The following NSD1 variants were observed in gnomAD, a reference collection of about 807,000 sequenced individuals.
The protein encoded by NSD1 is histone-lysine N-methyltransferase, H3 lysine-36 specific.
Under a neutral mutation model 242.7 loss-of-function variants are expected in NSD1, and 26 were observed. That is an observed-to-expected ratio of 0.11 (90% confidence interval 0.08 to 0.15). NSD1 has a LOEUF of 0.15. Among genes scored for constraint, NSD1 ranks in the 10% least tolerant of loss-of-function variants. The pLI, the probability that NSD1 is intolerant of heterozygous loss-of-function variation, is 1.00. For missense variants in NSD1, 2,495 were observed against 3,272.8 expected (o/e 0.76, Z 5.80); for synonymous variants, 1,106 against 1,178.1 (o/e 0.94, Z 1.25).
chr5:177,210,704 A>C lies in NSD1; in HGVS notation c.2305A>C (p.Lys769Gln). The C allele has an allele frequency of 2.5e-6, 4 of 1,614,204 alleles. No individual in the cohort carries two copies. Among genetic ancestry groups the C allele is most frequent in the Non-Finnish European group, 3.4e-6 (4 of 1,180,034 alleles). The change falls in exon 5 of 23, where the codon AAG becomes CAG. Residue 769 changes from lysine (K) to glutamine (Q), a missense_variant. Coordinates refer to ENST00000439151, the MANE Select transcript of NSD1 (RefSeq NM_022455.5). Reference sequence around the variant, plus strand: ...CATATCCAGTGAGAACTCGTTAATAAAGGGTGGGGCAGCAAATCAAGCTCT... The same window carrying C: ...CATATCCAGTGAGAACTCGTTAATACAGGGTGGGGCAGCAAATCAAGCTCT... ...SSISSENSLIKGGAANQALLH... is the reference protein window; with the variant it reads ...SSISSENSLIQGGAANQALLH...
chr5:177,139,255 A>G (rs1463504057), intron 2 of NSD1, among the ~76,000 whole-genome samples: 1 of 106,696 alleles, frequency 9.4e-6, no homozygotes, highest in Non-Finnish European at 2.0e-5. Flanking sequence ...CCCTCTCAAG[A>G]AAAAAAAAAA....
chr5:177,252,992 C>T (rs1756130673), intron 12 of NSD1, among the ~76,000 whole-genome samples: 1 of 151,918 alleles, frequency 6.6e-6, no homozygotes, highest in Non-Finnish European at 1.5e-5. Context: ...GCTCTTATAA[C>T]GAGTTACTGG....
At position 177,260,339 on chromosome 5, in the gene NSD1, C is replaced by CTTTTTTTTT. The variant is rs1174250871; in HGVS notation, c.5146+188_5146+196dup. 2.3e-4 allele frequency among the ~76,000 whole-genome samples: 20 copies of CTTTTTTTTT among 85,842 alleles called. 1 individual carries two copies. The highest frequency in any genetic ancestry group is 3.5e-4 in the Non-Finnish European group (16 of 46,284). The allele number at this position is 85,842 out of a possible 152,430, so 56.3% of individuals were successfully genotyped here. A position where few individuals can be genotyped will look rare whatever the true frequency, so the allele number is the denominator to read the frequency against. On this transcript the variant is annotated intron_variant, in intron 14 of 22. Transcript: ENST00000439151. The stretch of plus-strand genomic sequence containing the variant: ...CCGAATTAATGATTACATAGCAGAA[C>CTTTTTTTTT]TTTTTTTTTTTTTTTTTTTTTTTTT...
At position 177,267,859 on chromosome 5, in the gene NSD1, A is replaced by G. The variant is rs1175001925; in HGVS notation, c.5303+141A>G. On this transcript the variant is annotated intron_variant, in intron 15 of 22. Transcript: ENST00000439151. ...CCTCTTCTTCTTGATTTTTTTCCTT[A>G]TAGGAAGAGAAACCTAACTTTATGA... 3.7e-6 allele frequency: 3 copies of G among 820,166 alleles called. No individual in the cohort carries two copies. The African/African-American group carries it at 5.2e-5, about 14-fold the overall frequency. The allele number at this position is 820,166 out of a possible 1,614,324, so 50.8% of individuals were successfully genotyped here.
rs920641126 is a variant in NSD1, at chr5:177,295,913, C to T, written c.*454C>T. ...TCAGTGGCGATTTCCTGAGCATTCA[C>T]GTGTTCTAGGCCGGGTGCTAGTCAC... On this transcript the variant is annotated 3_prime_UTR_variant, in exon 23 of 23. Coordinates refer to ENST00000439151, the MANE Select transcript of NSD1 (RefSeq NM_022455.5). This position sits in a 1 kb window ranked among gnomAD's most constrained non-coding sequence, Gnocchi z 4.3. The T allele has an allele frequency of 3.0e-5, 11 of 362,576 alleles. No homozygotes were observed. The highest frequency in any genetic ancestry group is 8.3e-5 in the Admixed American group (2 of 23,974). 22.5% of individuals were successfully genotyped at this position (362,576 alleles called of 1,614,324 possible).
chr5:177,208,262 T>C (rs1763054183), intron 4 of NSD1, among the ~76,000 whole-genome samples: 1 of 152,168 alleles, frequency 6.6e-6, no homozygotes, highest in Admixed American at 6.6e-5. Context: ...GATAATGTAA[T>C]ACCCATGGTG....
chr5:177,273,312 T>TAAAA lies in NSD1; in HGVS notation c.5510-342_5510-339dup, dbSNP rs11452158. Among the ~76,000 whole-genome samples, 256 of 90,832 alleles carry TAAAA rather than the reference T, an allele frequency of 2.8e-3. 8 individuals are homozygous for TAAAA. Among genetic ancestry groups the TAAAA allele is most frequent in the Non-Finnish European group, 4.4e-3 (209 of 47,552 alleles). 59.6% of individuals were successfully genotyped at this position (90,832 alleles called of 152,430 possible). On this transcript the variant is annotated intron_variant, in intron 16 of 22. Coordinates refer to ENST00000439151, the MANE Select transcript of NSD1 (RefSeq NM_022455.5). ...CTAACAGTAACAATAACTGATGAGC[T>TAAAA]AAAAAAAAAAAAAAAAAAAAAGTCC...
Position 177,248,165 on chromosome 5 carries a change from A to G in NSD1, c.4498-16A>G. On this transcript the variant is annotated splice_polypyrimidine_tract_variant and intron_variant, in intron 10 of 22. Coordinates refer to ENST00000439151, the MANE Select transcript of NSD1 (RefSeq NM_022455.5). Reference sequence around the variant, plus strand: ...ATCAATAATACAGATGTGGGACATTATTTTTTCTTTGCAAGGGAGAACTAA... The same window carrying G: ...ATCAATAATACAGATGTGGGACATTGTTTTTTCTTTGCAAGGGAGAACTAA... The G allele has an allele frequency of 1.2e-6, 2 of 1,613,738 alleles. No individual in the cohort carries two copies. Among genetic ancestry groups the G allele is most frequent in the Non-Finnish European group, 1.7e-6 (2 of 1,179,912 alleles).
intron 5 of NSD1, among the ~76,000 whole-genome samples, chr5:177,232,942 A>G (rs1765169057): frequency 6.6e-6 from 1 of 152,230 alleles, no homozygotes; most frequent in Admixed American, 6.5e-5. Flanking sequence ...GACAGGCCCT[A>G]CAGGAATTCA....
chr5:177,258,105 C>T (rs1244114084), intron 13 of NSD1, among the ~76,000 whole-genome samples: 2 of 151,246 alleles, frequency 1.3e-5, no homozygotes, highest in Non-Finnish European at 2.9e-5. Flanking sequence ...CTCAGCCTCC[C>T]GAGTAGCTGG....
At chr5:177,196,598 G>A (rs565983059) in intron 3 of NSD1, among the ~76,000 whole-genome samples, 17 of 152,270 alleles carry the variant, frequency 1.1e-4, no homozygotes, top group African/African-American at 3.4e-4. Context: ...TGAATAGATC[G>A]TCATTTACTG....
chr5:177,279,748 CT>C (rs1299952151), intron 17 of NSD1, among the ~76,000 whole-genome samples: 1 of 146,040 alleles, frequency 6.8e-6, no homozygotes, highest in Non-Finnish European at 1.5e-5. Context: ...TCCTGAGTAG[CT>C]GGGACTACAG....
At position 177,294,038 on chromosome 5, in the gene NSD1, C is replaced by T; in HGVS notation, c.6670C>T (p.Pro2224Ser). The T allele has an allele frequency of 6.2e-7, 1 of 1,614,026 alleles. No individual in the cohort carries two copies. Residue 2224 changes from proline to serine, a missense_variant, in exon 23 of 23, where the codon CCC becomes TCC. By Grantham distance (74) the Pro-to-Ser change is moderately conservative. Transcript: ENST00000439151. ...TGGGGAGATCCGTGAGTATGTGCCT[C>T]CCCCAGTACCGCTGCCTCCAGGGCC... ...EPGEIREYVP[P>S]PVPLPPGPST...
chr5:177,224,426 A>G (rs1764477986), intron 5 of NSD1, among the ~76,000 whole-genome samples: 1 of 152,036 alleles, frequency 6.6e-6, no homozygotes, highest in Non-Finnish European at 1.5e-5. Context: ...TTGTCCTTTT[A>G]TAAATGAATT....
intron 2 of NSD1, among the ~76,000 whole-genome samples, chr5:177,144,952 G>A (rs919200224): frequency 2.6e-5 from 4 of 151,856 alleles, no homozygotes; most frequent in African/African-American, 7.3e-5. Context: ...GGGTGTGGTG[G>A]CACGTGCCTG....
At chr5:177,176,459 T>G (rs892855871) in intron 2 of NSD1, among the ~76,000 whole-genome samples, 3 of 151,344 alleles carry the variant, frequency 2.0e-5, no homozygotes, top group Admixed American at 6.6e-5. Context: ...AAAGAGACAG[T>G]ATCTTGCTCT....
chr5:177,257,190 C>T (rs2149912861), intron 13 of NSD1, 39 bp downstream of exon 13: 1 of 1,503,580 alleles, frequency 6.7e-7, no homozygotes, highest in Admixed American at 1.7e-5. Flanking sequence ...ATTGTAAAAC[C>T]TCAGTTTAAT....
intron 12 of NSD1, among the ~76,000 whole-genome samples, chr5:177,253,327 A>G (rs1449170976): frequency 6.6e-6 from 1 of 152,194 alleles, no homozygotes; most frequent in African/African-American, 2.4e-5. Context: ...TTGAAGTGCA[A>G]ACAATTGCAC....
chr5:177,155,690 T>C (rs1213659466), intron 2 of NSD1, among the ~76,000 whole-genome samples: 1 of 152,046 alleles, frequency 6.6e-6, no homozygotes, highest in Non-Finnish European at 1.5e-5. Context: ...TATTTATTTA[T>C]TTGTTTATTT....
Sources: gnomAD v4.1 joint callset for allele counts (sites outside exome capture counted in the v4.1 genomes callset) on GRCh38, gnomAD v4.1.1 for gene constraint, Gnocchi (gnomAD v3.1) non-coding constraint, MANE v1.5 for transcripts, NCBI Gene and HGNC (gene_info 2026-07-23, HGNC 2026-07-21) for gene names.